ADNP: variants seen among roughly 807,000 people sequenced by gnomAD.
ADNP encodes activity dependent neuroprotector homeobox.
A neutral mutation model predicts 84.9 loss-of-function variants in ADNP; 4 were observed. That is an observed-to-expected ratio of 0.05 (90% CI 0.02 to 0.11). ADNP has a LOEUF of 0.11. ADNP is among the 10% of genes least tolerant of loss of function. The pLI is 1.00. For missense variants in ADNP, 1,132 were observed against 1,326.0 expected (o/e 0.85, Z 2.27); for synonymous variants, 554 against 468.1 (o/e 1.18, Z -2.37).
chr20:50,920,281 A>AAAG (rs1555816098), intron 2 of ADNP, among the ~76,000 whole-genome samples: 2,404 of 137,992 alleles, frequency 0.017, 53 homozygotes, highest in African/African-American at 0.05. Flanking sequence ...AAAAAAAAAA[A>AAAG]AAAGAAAGAA....
At chr20:50,922,623 A>T (rs1056595812) in intron 2 of ADNP, among the ~76,000 whole-genome samples, 1 of 135,548 alleles carries the variant, frequency 7.4e-6, no homozygotes, top group Non-Finnish European at 1.5e-5. Context: ...TCTGTCCCCC[A>T]GGCTGGAGTG....
In ADNP at chr20:50,891,582, C is replaced by G. The variant is rs1980727712; in HGVS notation, c.3132G>C (p.Gln1044His). 1 of 1,613,220 alleles carries G rather than the reference C, an allele frequency of 6.2e-7. No homozygotes were observed. The highest frequency in any genetic ancestry group is 8.5e-7 in the Non-Finnish European group (1 of 1,180,038). Reference protein sequence around the residue: ...GKVEGFWSKDQSQWKNASEND... With the variant: ...GKVEGFWSKDHSQWKNASEND... Reference sequence around the variant, plus strand: ...TCTCAGATGCATTCTTCCACTGTGACTGGTCCTTAGACCAAAACCCTTCAA... The same window carrying G: ...TCTCAGATGCATTCTTCCACTGTGAGTGGTCCTTAGACCAAAACCCTTCAA... The change falls in exon 6 of 6, where the codon CAG (glutamine) becomes CAC (histidine). Residue 1044 changes from glutamine to histidine, a missense_variant. By Grantham distance (24) the Gln-to-His change is conservative. Around this residue, in one of 10 missense-constraint regions of ADNP, gnomAD observed 381 missense variants for 319.9 expected, o/e 1.19. Transcript: ENST00000621696.
intron 2 of ADNP, among the ~76,000 whole-genome samples, chr20:50,921,724 T>C (rs1297885531): frequency 6.6e-6 from 1 of 152,198 alleles, no homozygotes; most frequent in Non-Finnish European, 1.5e-5. Flanking sequence ...AGATGATGCC[T>C]GAGGGACAAG....
intron 5 of ADNP, among the ~76,000 whole-genome samples, chr20:50,898,557 T>C (rs191959469): frequency 5.3e-5 from 8 of 152,356 alleles, no homozygotes; most frequent in Admixed American, 3.3e-4. Context: ...TTCAAGATCA[T>C]AGCTATGGTA....
chr20:50,907,414 G>A (rs969771070), intron 2 of ADNP, among the ~76,000 whole-genome samples: 4 of 151,564 alleles, frequency 2.6e-5, no homozygotes, highest in East Asian at 1.9e-4. Context: ...CTACAGGCGC[G>A]TACCACCACA....
At chr20:50,915,618 TCCTCCCCTC>T (rs1311234951) in intron 2 of ADNP, among the ~76,000 whole-genome samples, 1 of 152,078 alleles carries the variant, frequency 6.6e-6, no homozygotes, top group East Asian at 1.9e-4. Context: ...CTCCTCCTTT[TCCTCCCCTC>T]CCTCCCCAAT....
Position 50,891,089 on chromosome 20 carries a change from C to G in ADNP, c.*316G>C, listed in dbSNP as rs1019677990. ...TTTAACACTTCTCAAAGACATCTGA[C>G]CAATCATTTCACAGAGGGAAAGAAA... On this transcript the variant is annotated 3_prime_UTR_variant, in exon 6 of 6. Coordinates refer to ENST00000621696, the MANE Select transcript of ADNP (RefSeq NM_001282531.3). 8.8e-7 allele frequency: 1 copy of G among 1,136,536 alleles called. No homozygotes were observed. Among genetic ancestry groups the G allele is most frequent in the East Asian group, 5.1e-5 (1 of 19,550 alleles). The allele number at this position is 1,136,536 out of a possible 1,614,324, so 70.4% of individuals were successfully genotyped here. A position where few individuals can be genotyped will look rare whatever the true frequency, so the allele number is the denominator to read the frequency against.
chr20:50,903,775 T>C, intron 4 of ADNP, 114 bp downstream of exon 4: 1 of 751,378 alleles, frequency 1.3e-6, no homozygotes, highest in Non-Finnish European at 2.2e-6. Flanking sequence ...GTGAAGCTAC[T>C]GCTGTGGCTG....
Position 50,922,030 on chromosome 20 carries a change from G to A in ADNP, c.-90+6621C>T, listed in dbSNP as rs142182751. On this transcript the variant is annotated intron_variant, in intron 2 of 5. Transcript: ENST00000621696. Reference sequence around the variant, plus strand: ...CACAGGCATACAGCCACTTGCTGTCGCTGTAAGTGGACAATCTGGCTTAAG... The same window carrying A: ...CACAGGCATACAGCCACTTGCTGTCACTGTAAGTGGACAATCTGGCTTAAG... Among the ~76,000 whole-genome samples the A allele has an allele frequency of 2.8e-4, 43 of 152,246 alleles. 1 individual carries two copies. The highest frequency in any genetic ancestry group is 8.2e-4 in the African/African-American group (34 of 41,546).
Position 50,930,849 on chromosome 20 carries a change from G to A in ADNP, c.-288C>T, listed in dbSNP as rs1015264705. The A allele has an allele frequency of 6.8e-6, 1 of 147,212 alleles. No homozygotes were observed. Among genetic ancestry groups the A allele is most frequent in the Non-Finnish European group, 1.5e-5 (1 of 65,948 alleles). The allele number at this position is 147,212 out of a possible 1,614,324, so 9.1% of individuals were successfully genotyped here. On this transcript the variant is annotated 5_prime_UTR_variant, in exon 1 of 6. Coordinates refer to ENST00000621696, the MANE Select transcript of ADNP (RefSeq NM_001282531.3). ...ACCTTGACTCGGCCTCGAGGCGCGC[G>A]CGGGGCCGGCGTGCTCGGGGGCCGG... is the stretch of plus-strand genomic sequence containing the variant.
chr20:50,899,260 G>T (rs1426595298), intron 5 of ADNP, among the ~76,000 whole-genome samples: 5 of 150,252 alleles, frequency 3.3e-5, no homozygotes, highest in Admixed American at 6.6e-5. Flanking sequence ...GCGATGGCAC[G>T]ATCTCAGCTC....
intron 2 of ADNP, among the ~76,000 whole-genome samples, chr20:50,905,981 G>A (rs1248171042): frequency 2.0e-5 from 3 of 152,304 alleles, no homozygotes; most frequent in Non-Finnish European, 2.9e-5. Context: ...AGGAGGCCGA[G>A]GAGGGCAGAT....
At position 50,891,719 on chromosome 20, in the gene ADNP, C is replaced by G; in HGVS notation, c.2995G>C (p.Glu999Gln). 6.2e-7 allele frequency: 1 copy of G among 1,614,178 alleles called. No homozygotes were observed. The highest frequency in any genetic ancestry group is 8.5e-7 in the Non-Finnish European group (1 of 1,180,038). ...CTTGCATCTTCGCTTTGGGAAGACTCGTCAGACCAGGTTCCTGGTTTCATT... is the reference window on the plus strand; with the variant it reads ...CTTGCATCTTCGCTTTGGGAAGACTGGTCAGACCAGGTTCCTGGTTTCATT... ...CEMKPGTWSD[E>Q]SSQSEDARSS... is the part of the protein sequence containing the mutation. Residue 999 changes from glutamate (E) to glutamine (Q), a missense_variant, in exon 6 of 6, where the codon GAG (glutamate) becomes CAG (glutamine). By Grantham distance (29) the Glu-to-Gln change is conservative. Around this residue, in one of 10 missense-constraint regions of ADNP, gnomAD observed 381 missense variants for 319.9 expected, o/e 1.19. Transcript: ENST00000621696.
rs1165521135 is a variant in ADNP at position 50,904,153 on chromosome 20, C to T, written c.-5-152G>A. ...AGTGTGTACACACACAGACACACAC[C>T]TGCTTTCATGTGCATATGGCTTGAT... On this transcript the variant is annotated intron_variant, in intron 3 of 5. Transcript: ENST00000621696. 5 of 612,982 alleles carry T rather than the reference C, an allele frequency of 8.2e-6. No individual in the cohort carries two copies. The Admixed American group carries it at 1.4e-4, about 18-fold the overall frequency. 38.0% of individuals were successfully genotyped at this position (612,982 alleles called of 1,614,324 possible).
chr20:50,909,817 A>G (rs1472257973), intron 2 of ADNP: 1 of 152,246 alleles, frequency 6.6e-6, no homozygotes, highest in Admixed American at 6.5e-5. Flanking sequence ...AATGACCAGT[A>G]GAGTTGGACA....
chr20:50,911,205 A>G (rs1351294814), intron 2 of ADNP, among the ~76,000 whole-genome samples: 1 of 152,256 alleles, frequency 6.6e-6, no homozygotes, highest in Non-Finnish European at 1.5e-5. Context: ...ATCTGTGCAG[A>G]AACTTTTTCA....
At position 50,893,224 on chromosome 20, in the gene ADNP, T is replaced by C. The variant is rs753980822; in HGVS notation, c.1490A>G (p.Tyr497Cys). 2 of 1,614,218 alleles carry C rather than the reference T, an allele frequency of 1.2e-6. No homozygotes were observed. The highest frequency in any genetic ancestry group is 1.1e-5 in the South Asian group (1 of 91,082). Residue 497 changes from tyrosine to cysteine, a missense_variant, in exon 6 of 6, where the codon TAT becomes TGT. Physicochemically the swap from Tyr to Cys is radical, Grantham distance 194. Coordinates refer to ENST00000621696, the MANE Select transcript of ADNP (RefSeq NM_001282531.3). The surrounding 1 kb of genome is among the most constrained non-coding windows in gnomAD (Gnocchi z 4.4). ...FTSKCLYCNR[Y>C]LPTDTLLNHM... ...GTTGAGCAGAGTATCTGTGGGTAAATAGCGATTACAGTAGAGGCATTTGCT... is the reference window on the plus strand; with the variant it reads ...GTTGAGCAGAGTATCTGTGGGTAAACAGCGATTACAGTAGAGGCATTTGCT...
chr20:50,910,319 GTATTT>G (rs1164478146), intron 2 of ADNP, among the ~76,000 whole-genome samples: 5 of 152,226 alleles, frequency 3.3e-5, no homozygotes, highest in African/African-American at 1.2e-4. Flanking sequence ...ACATTTGCAA[GTATTT>G]TATTTACGAC....
At chr20:50,917,553 T>C (rs1329611582) in intron 2 of ADNP, among the ~76,000 whole-genome samples, 1 of 152,224 alleles carries the variant, frequency 6.6e-6, no homozygotes, top group Admixed American at 6.5e-5. Flanking sequence ...CCCTTTATTA[T>C]CTTCCCATTG....
Sources: allele counts gnomAD v4.1 joint callset (sites outside exome capture counted in the v4.1 genomes callset), GRCh38; gene constraint gnomAD v4.1.1; regional missense constraint gnomAD v4.1.1; non-coding constraint Gnocchi (gnomAD v3.1); transcripts MANE v1.5; gene names NCBI Gene and HGNC (gene_info 2026-07-23, HGNC 2026-07-21).